Variants in GRIN2A observed in about 807,000 individuals in gnomAD.
GRIN2A encodes the protein glutamate receptor ionotropic, NMDA 2A.
In GRIN2A, 22 loss-of-function variants were observed where a neutral mutation model predicts 113.4. That is an observed-to-expected ratio of 0.19 (90% CI 0.14 to 0.28). The LOEUF is 0.28. GRIN2A is among the 10% of genes least tolerant of loss of function. The pLI is 1.00. For missense variants in GRIN2A, 1,502 were observed against 1,887.0 expected (o/e 0.80, Z 3.78); for synonymous variants, 827 against 738.4 (o/e 1.12, Z -1.94).
At chr16:10,146,284 A>T (rs923309746) in intron 2 of GRIN2A, among the ~76,000 whole-genome samples, 3 of 151,990 alleles carry the variant, frequency 2.0e-5, no homozygotes, top group African/African-American at 7.3e-5. Flanking sequence ...CGCCCGACTA[A>T]TTTTTATATT....
At chr16:9,899,116 T>C (rs968551690) in intron 3 of GRIN2A, among the ~76,000 whole-genome samples, 1 of 151,908 alleles carries the variant, frequency 6.6e-6, no homozygotes, top group African/African-American at 2.4e-5. Context: ...AATTAAAAAG[T>C]CTTAACAGCA....
intron 5 of GRIN2A, among the ~76,000 whole-genome samples, chr16:9,847,112 T>A (rs893249943): frequency 6.6e-6 from 1 of 152,168 alleles, no homozygotes; most frequent in African/African-American, 2.4e-5. Context: ...GAAAGTAACA[T>A]GCAAGGTGTG....
At chr16:9,875,018 G>A (rs1187519094) in intron 4 of GRIN2A, among the ~76,000 whole-genome samples, 1 of 151,664 alleles carries the variant, frequency 6.6e-6, no homozygotes, top group Non-Finnish European at 1.5e-5. Flanking sequence ...AGCCCAGGAG[G>A]TCGAGGCCTG....
At position 10,180,420 on chromosome 16, in the gene GRIN2A, C is replaced by G; in HGVS notation, c.-9G>C. On this transcript the variant is annotated 5_prime_UTR_variant, in exon 2 of 13. Coordinates refer to ENST00000330684, the MANE Select transcript of GRIN2A (RefSeq NM_001134407.3). This position sits in a 1 kb window ranked among gnomAD's most constrained non-coding sequence, Gnocchi z 7.0. ...TAGCCCACTCTGCCCATAGTCGCCA[C>G]TGACGGTCCCTGCAAGGTGAAGAGT... 6.2e-7 allele frequency: 1 copy of G among 1,602,876 alleles called. No homozygotes were observed. Among genetic ancestry groups the G allele is most frequent in the Non-Finnish European group, 8.5e-7 (1 of 1,179,110 alleles).
intron 2 of GRIN2A, among the ~76,000 whole-genome samples, chr16:10,047,671 C>T (rs2047284287): frequency 6.6e-6 from 1 of 152,186 alleles, no homozygotes; most frequent in Non-Finnish European, 1.5e-5. Context: ...AGGAGAGAAA[C>T]CCCTCTGAAT....
intron 2 of GRIN2A, among the ~76,000 whole-genome samples, chr16:10,051,381 G>A (rs922225525): frequency 1.3e-5 from 2 of 152,334 alleles, no homozygotes; most frequent in Middle Eastern, 3.4e-3. Context: ...TAAGTGAGTA[G>A]TAATAAAACA....
chr16:9,887,182 C>T (rs966496129), intron 4 of GRIN2A, among the ~76,000 whole-genome samples: 2 of 152,050 alleles, frequency 1.3e-5, no homozygotes, highest in Admixed American at 6.6e-5. Context: ...CCACCAAGCC[C>T]GGCCCGGATT....
At chr16:10,029,458 T>C (rs1319598681) in intron 2 of GRIN2A, among the ~76,000 whole-genome samples, 1 of 152,062 alleles carries the variant, frequency 6.6e-6, no homozygotes, top group Non-Finnish European at 1.5e-5. Flanking sequence ...CCTCCCGAAG[T>C]GCTGGGATTA....
chr16:10,060,806 C>T (rs776598838), intron 2 of GRIN2A, among the ~76,000 whole-genome samples: 3 of 152,144 alleles, frequency 2.0e-5, no homozygotes, highest in Non-Finnish European at 2.9e-5. Flanking sequence ...TTCCTCTTTA[C>T]GAGTGCAAGC....
chr16:9,915,747 G>A (rs933913948), intron 3 of GRIN2A, among the ~76,000 whole-genome samples: 3 of 152,188 alleles, frequency 2.0e-5, no homozygotes, highest in Non-Finnish European at 4.4e-5. Context: ...AACTGTCTCT[G>A]CAACTTGCTA....
chr16:10,044,783 C>T (rs1367303199), intron 2 of GRIN2A, among the ~76,000 whole-genome samples: 1 of 151,884 alleles, frequency 6.6e-6, no homozygotes, highest in Non-Finnish European at 1.5e-5. Context: ...GTGTTCGAAT[C>T]TGATTCCTCT....
intron 2 of GRIN2A, among the ~76,000 whole-genome samples, chr16:10,127,544 G>T (rs2048965949): frequency 6.6e-6 from 1 of 152,116 alleles, no homozygotes; most frequent in Non-Finnish European, 1.5e-5. Flanking sequence ...AGAGCCTTTA[G>T]TATCATTTCT....
intron 9 of GRIN2A, among the ~76,000 whole-genome samples, chr16:9,826,595 G>A (rs568852359): frequency 1.3e-5 from 2 of 152,170 alleles, no homozygotes; most frequent in South Asian, 2.1e-4. Flanking sequence ...ATTCAATATT[G>A]ATTTTTTTTT....
chr16:9,847,944 T>A lies in GRIN2A; in HGVS notation c.1328+1812A>T, dbSNP rs910018916. Among the ~76,000 whole-genome samples, 144 of 146,290 alleles carry A rather than the reference T, an allele frequency of 9.8e-4. 1 individual carries two copies. The highest frequency in any genetic ancestry group is 3.5e-3 in the African/African-American group (140 of 40,560). The stretch of plus-strand genomic sequence containing the variant: ...TGTTTTATATATATATAAAAATATA[T>A]ATGTTATATATGTTTAACATGAAAA... On this transcript the variant is annotated intron_variant, in intron 5 of 12. Coordinates refer to ENST00000330684, the MANE Select transcript of GRIN2A (RefSeq NM_001134407.3).
At chr16:9,892,436 A>C (rs1281152415) in intron 3 of GRIN2A, among the ~76,000 whole-genome samples, 1 of 152,188 alleles carries the variant, frequency 6.6e-6, no homozygotes, top group African/African-American at 2.4e-5. Context: ...CCAAAGAAGA[A>C]GAGAAGGAGG....
At chr16:9,899,440 CAAAAAAAAAAAAA>C (rs71157791) in intron 3 of GRIN2A, among the ~76,000 whole-genome samples, 9 of 6,208 alleles carry the variant, frequency 1.4e-3, no homozygotes, top group African/African-American at 3.3e-3. Flanking sequence ...AACTCCGTCT[CAAAAAAAAAAAAA>C]AAAAAAAAAA....
intron 2 of GRIN2A, among the ~76,000 whole-genome samples, chr16:9,989,500 G>A (rs1428283739): frequency 6.6e-6 from 1 of 151,906 alleles, no homozygotes; most frequent in East Asian, 1.9e-4. Flanking sequence ...TTATGACTAA[G>A]TCCTCAAAAG....
At chr16:9,848,361 G>A (rs551435148) in intron 5 of GRIN2A, among the ~76,000 whole-genome samples, 286 of 150,406 alleles carry the variant, frequency 1.9e-3, no homozygotes, top group African/African-American at 5.1e-3. Flanking sequence ...GATCACAGGC[G>A]CCCACCACCA....
intron 2 of GRIN2A, among the ~76,000 whole-genome samples, chr16:10,041,997 G>A (rs1022240960): frequency 1.3e-5 from 2 of 151,940 alleles, no homozygotes; most frequent in South Asian, 4.2e-4. Context: ...TCATGTCTGA[G>A]TCCTCCTTGT....
Sources: allele counts gnomAD v4.1 joint callset (sites outside exome capture counted in the v4.1 genomes callset), GRCh38; gene constraint gnomAD v4.1.1; non-coding constraint Gnocchi (gnomAD v3.1); transcripts MANE v1.5; gene names NCBI Gene and HGNC (gene_info 2026-07-23, HGNC 2026-07-21).